Variants in PIK3C2G observed in about 807,000 individuals in gnomAD.
PIK3C2G encodes phosphatidylinositol-4-phosphate 3-kinase catalytic subunit type 2 gamma, also known as phosphatidylinositol 3-kinase C2 domain-containing subunit gamma.
A neutral mutation model predicts 181.1 loss-of-function variants in PIK3C2G; 168 were observed. The ratio of observed to expected loss-of-function variants is 0.93; its 90% CI spans 0.82 to 1.05. The LOEUF is 1.05. PIK3C2G is among the 50% of genes least tolerant of loss of function. The probability of loss-of-function intolerance (pLI) is 0.00; values close to 1 mark genes in which losing one functional copy is unlikely to be tolerated. For synonymous variants in PIK3C2G, 573 were observed against 592.2 expected, an observed-to-expected ratio of 0.97 and a Z score of 0.47; for missense variants, 1,869 against 1,732.8, an observed-to-expected ratio of 1.08 and a Z score of -1.40.
At chr12:18,559,801 TATATATATATATATATATATAGAGAG>T (rs1467424395) in intron 26 of PIK3C2G, among the ~76,000 whole-genome samples, 99 of 54,032 alleles carry the variant, frequency 1.8e-3, no homozygotes, top group African/African-American at 3.7e-3. Flanking sequence ...TATATATATA[TATATATATATATATATATATAGAGAG>T]AGAGAGAGAG....
chr12:18,451,608 T>C (rs1947365546), intron 18 of PIK3C2G, among the ~76,000 whole-genome samples: 1 of 152,222 alleles, frequency 6.6e-6, no homozygotes, highest in Admixed American at 6.5e-5. Context: ...CTTCCAATAC[T>C]ATGTTGAATA....
intron 18 of PIK3C2G, among the ~76,000 whole-genome samples, chr12:18,439,110 A>G (rs1238689884): frequency 6.6e-6 from 1 of 151,984 alleles, no homozygotes; most frequent in East Asian, 1.9e-4. Context: ...TTTAAAATTT[A>G]AGTTTAATAA....
At chr12:18,350,029 G>A (rs570977133) in intron 11 of PIK3C2G, among the ~76,000 whole-genome samples, 3 of 152,236 alleles carry the variant, frequency 2.0e-5, no homozygotes, top group Non-Finnish European at 2.9e-5. Context: ...AATGTAAGCT[G>A]AGCTGAAAAC....
the PIK3C2G span, among the ~76,000 whole-genome samples, chr12:18,677,608 C>A: frequency 6.6e-6 from 1 of 151,974 alleles, no homozygotes; most frequent in African/African-American, 2.4e-5. Flanking sequence ...TTAGAATAAC[C>A]TAAAGAATTT....
At chr12:18,325,172 G>A in intron 8 of PIK3C2G, 74 bp downstream of exon 8, 1 of 817,690 alleles carries the variant, frequency 1.2e-6, no homozygotes, top group Non-Finnish European at 2.0e-6. Flanking sequence ...CTAAAACTTT[G>A]CAAATTTTGA....
chr12:18,510,810 A>T (rs569529418), intron 24 of PIK3C2G, among the ~76,000 whole-genome samples: 10 of 152,316 alleles, frequency 6.6e-5, no homozygotes, highest in African/African-American at 2.4e-4. Flanking sequence ...TCGTTAACAC[A>T]GCCACCACCT....
chr12:18,313,060 A>C (rs1225218668), intron 5 of PIK3C2G, among the ~76,000 whole-genome samples: 1 of 152,090 alleles, frequency 6.6e-6, no homozygotes, highest in African/African-American at 2.4e-5. Flanking sequence ...CTTCATATTT[A>C]AGGTCCTTTA....
intron 5 of PIK3C2G, 54 bp from the exon 6 acceptor site, chr12:18,313,908 G>A (rs1322278741): frequency 3.3e-6 from 3 of 908,044 alleles, no homozygotes; most frequent in Non-Finnish European, 5.2e-6. Context: ...AGGAAAACAT[G>A]TATTTGGGAA....
intron 1 of PIK3C2G, among the ~76,000 whole-genome samples, chr12:18,262,409 A>G (rs1014165737): frequency 6.6e-6 from 1 of 152,090 alleles, no homozygotes; most frequent in South Asian, 2.1e-4. Context: ...TAAAGAACAC[A>G]TACCCCTCAT....
intron 5 of PIK3C2G, among the ~76,000 whole-genome samples, chr12:18,311,529 G>GT (rs1950636863): frequency 7.9e-6 from 1 of 126,602 alleles, no homozygotes; most frequent in Non-Finnish European, 1.7e-5. Context: ...TGGTATAAAG[G>GT]GGTGTGTGTG....
chr12:18,662,136 T>A, the PIK3C2G span, among the ~76,000 whole-genome samples: 2 of 151,960 alleles, frequency 1.3e-5, no homozygotes, highest in African/African-American at 4.8e-5. Context: ...AGATGGAAAG[T>A]GCAAGGAGGG....
intron 29 of PIK3C2G, among the ~76,000 whole-genome samples, chr12:18,572,289 AAT>A (rs1183188134): frequency 1.4e-5 from 2 of 147,892 alleles, no homozygotes; most frequent in African/African-American, 2.4e-5. Flanking sequence ...ATTATATAAA[AAT>A]ATATATATTT....
At chr12:18,573,674 T>C (rs1946087998) in intron 29 of PIK3C2G, among the ~76,000 whole-genome samples, 1 of 152,174 alleles carries the variant, frequency 6.6e-6, no homozygotes, top group Non-Finnish European at 1.5e-5. Flanking sequence ...TTGGACAAAA[T>C]GGCCTAACCT....
Position 18,320,976 on chromosome 12 carries a change from C to T in PIK3C2G, c.1152C>T (p.His384=). ...GKLSRKHEED[H]SQFYLNQLLE... ...GCTGTCTACAGCATGAAGAGGACCA[C>T]AGTCAGTTTTATCTGAATCAACTTC... The change falls in exon 7 of 33, where the codon CAC becomes CAT. Residue 384 remains histidine, a synonymous_variant. Coordinates refer to ENST00000538779, the MANE Select transcript of PIK3C2G (RefSeq NM_001288772.2). The T allele has an allele frequency of 6.4e-7, 1 of 1,564,574 alleles. No homozygotes were observed. The highest frequency in any genetic ancestry group is 1.4e-5 in the African/African-American group (1 of 73,278).
intron 25 of PIK3C2G, among the ~76,000 whole-genome samples, chr12:18,541,087 A>G (rs1944126847): frequency 6.6e-6 from 1 of 151,968 alleles, no homozygotes; most frequent in South Asian, 2.1e-4. Flanking sequence ...CGACTCTTTT[A>G]TGTTAAATTC....
intron 31 of PIK3C2G, among the ~76,000 whole-genome samples, chr12:18,637,515 T>C (rs1212988543): frequency 6.6e-6 from 1 of 152,186 alleles, no homozygotes; most frequent in Admixed American, 6.5e-5. Flanking sequence ...AATCAGACTG[T>C]TCTGATAGCT....
intron 29 of PIK3C2G, among the ~76,000 whole-genome samples, chr12:18,585,636 C>G (rs902947275): frequency 6.6e-6 from 1 of 152,180 alleles, no homozygotes; most frequent in Admixed American, 6.5e-5. Context: ...CTAGACAGAT[C>G]ATTGAGGCAG....
At chr12:18,304,493 G>T (rs2137323100) in intron 5 of PIK3C2G, among the ~76,000 whole-genome samples, 1 of 152,278 alleles carries the variant, frequency 6.6e-6, no homozygotes, top group Non-Finnish European at 1.5e-5. Flanking sequence ...CTGACCTCTA[G>T]TGATCAACCC....
chr12:18,659,701 T>C, the PIK3C2G span, among the ~76,000 whole-genome samples: 1 of 142,306 alleles, frequency 7.0e-6, no homozygotes, highest in South Asian at 2.2e-4. Flanking sequence ...TACTTTAAGT[T>C]TTAGGGCACA....
Sources: gnomAD v4.1 joint callset for allele counts (sites outside exome capture counted in the v4.1 genomes callset) on GRCh38, gnomAD v4.1.1 for gene constraint, MANE v1.5 for transcripts, NCBI Gene and HGNC (gene_info 2026-07-23, HGNC 2026-07-21) for gene names.